The following DCDC1 variants were observed in gnomAD, a reference collection of about 807,000 sequenced individuals.
The protein encoded by DCDC1 is doublecortin domain containing 1.
Under a neutral mutation model 178.3 loss-of-function variants are expected in DCDC1, and 200 were observed. That is an observed-to-expected ratio of 1.12 (90% CI 1.00 to 1.26). The LOEUF is 1.26. Among genes scored for constraint, DCDC1 ranks in the 50% most tolerant of loss-of-function variants. The pLI, the probability that DCDC1 is intolerant of heterozygous loss-of-function variation, is 0.00. For missense variants in DCDC1, 1,983 were observed against 1,749.2 expected (o/e 1.13, Z -2.38); for synonymous variants, 690 against 604.8 (o/e 1.14, Z -2.07).
At chr11:31,181,421 G>C (rs1317816130) in intron 9 of DCDC1, among the ~76,000 whole-genome samples, 4 of 152,190 alleles carry the variant, frequency 2.6e-5, no homozygotes, top group Non-Finnish European at 4.4e-5. Flanking sequence ...TCCTGACTGG[G>C]AGATATCACC....
intron 20 of DCDC1, among the ~76,000 whole-genome samples, chr11:31,035,518 CTG>C (rs1953968174): frequency 2.6e-5 from 4 of 152,326 alleles, no homozygotes; most frequent in Non-Finnish European, 5.9e-5. Flanking sequence ...CATAATTAAA[CTG>C]AGATTACAGA....
chr11:31,212,950 C>T (rs1041757158), intron 9 of DCDC1, among the ~76,000 whole-genome samples: 3 of 152,048 alleles, frequency 2.0e-5, no homozygotes, highest in Non-Finnish European at 2.9e-5. Context: ...CTGTGTACTA[C>T]GTGAAGAAGA....
In DCDC1 at chr11:31,117,568, T is replaced by G. The variant is rs145292051; in HGVS notation, c.1486-7207A>C. 2.8e-4 allele frequency among the ~76,000 whole-genome samples: 42 copies of G among 152,074 alleles called. No homozygotes were observed. In the East Asian group the frequency reaches 7.6e-3, roughly 27 times the overall value. On this transcript the variant is annotated intron_variant, in intron 11 of 38. Transcript: ENST00000684477. ...AAAATGGCCCTCATCAGCTTCTCAGTGATCTTGGGAGTGGGCCCACATTCC... is the reference window on the plus strand; with the variant it reads ...AAAATGGCCCTCATCAGCTTCTCAGGGATCTTGGGAGTGGGCCCACATTCC...
At chr11:31,282,148 T>C (rs189607529) in intron 7 of DCDC1, among the ~76,000 whole-genome samples, 25 of 152,256 alleles carry the variant, frequency 1.6e-4, no homozygotes, top group Admixed American at 1.3e-3. Context: ...GTACAACTGA[T>C]ATTATTTCTC....
intron 16 of DCDC1, among the ~76,000 whole-genome samples, chr11:31,092,808 C>T (rs1957898872): frequency 6.6e-6 from 1 of 152,206 alleles, no homozygotes; most frequent in Non-Finnish European, 1.5e-5. Flanking sequence ...GACTTGTCTG[C>T]TGTCATATAG....
At chr11:31,357,286 C>T (rs1233400044) in intron 1 of DCDC1, among the ~76,000 whole-genome samples, 40 of 150,800 alleles carry the variant, frequency 2.7e-4, no homozygotes, top group African/African-American at 2.9e-4. Context: ...GTTCAATATA[C>T]GCAAATCAAT....
chr11:30,928,733 T>C (rs1946747701), intron 22 of DCDC1, among the ~76,000 whole-genome samples: 1 of 87,664 alleles, frequency 1.1e-5, no homozygotes, highest in South Asian at 4.1e-4. Context: ...TAACATGACA[T>C]GTTATTACAT....
intron 9 of DCDC1, 126 bp downstream of exon 9, chr11:31,241,324 C>T: frequency 2.6e-6 from 1 of 388,136 alleles, no homozygotes; most frequent in Non-Finnish European, 4.6e-6. Flanking sequence ...GGCTCCCTAA[C>T]AGGCACTGAG....
intron 9 of DCDC1, among the ~76,000 whole-genome samples, chr11:31,196,726 A>G (rs1449022099): frequency 6.6e-6 from 1 of 152,006 alleles, no homozygotes; most frequent in Non-Finnish European, 1.5e-5. Flanking sequence ...CAAACCCACC[A>G]TTCAGGGTTT....
chr11:31,132,757 C>G (rs1031389519), intron 10 of DCDC1, among the ~76,000 whole-genome samples: 3 of 152,066 alleles, frequency 2.0e-5, no homozygotes, highest in African/African-American at 7.2e-5. Context: ...AAAAATGCAC[C>G]ATCTCATTGT....
chr11:30,886,119 G>A (rs1308845852), intron 36 of DCDC1, among the ~76,000 whole-genome samples: 17 of 149,586 alleles, frequency 1.1e-4, no homozygotes, highest in Admixed American at 1.1e-3. Flanking sequence ...GATCACAAAG[G>A]AAAAAAAAAT....
At chr11:30,885,934 C>T (rs1943125750) in intron 36 of DCDC1, among the ~76,000 whole-genome samples, 1 of 152,014 alleles carries the variant, frequency 6.6e-6, no homozygotes, top group Non-Finnish European at 1.5e-5. Flanking sequence ...AAATTAAGAA[C>T]AACCAAACTG....
intron 27 of DCDC1, among the ~76,000 whole-genome samples, chr11:30,915,173 G>A (rs1008768726): frequency 6.6e-6 from 1 of 152,098 alleles, no homozygotes; most frequent in Non-Finnish European, 1.5e-5. Flanking sequence ...AATTGGGGAC[G>A]TTTTAGAATT....
At chr11:31,265,216 T>C (rs1360872544) in intron 8 of DCDC1, among the ~76,000 whole-genome samples, 1 of 152,166 alleles carries the variant, frequency 6.6e-6, no homozygotes, top group Non-Finnish European at 1.5e-5. Context: ...CTGTATCCTA[T>C]ATAAATTGGC....
At chr11:30,911,754 T>C (rs991207997) in intron 27 of DCDC1, among the ~76,000 whole-genome samples, 40 of 152,080 alleles carry the variant, frequency 2.6e-4, no homozygotes, top group African/African-American at 9.7e-4. Context: ...GGCTTGCCTA[T>C]TGCTCCTTTG....
chr11:31,070,974 G>C (rs959478971), intron 18 of DCDC1, among the ~76,000 whole-genome samples: 4 of 151,860 alleles, frequency 2.6e-5, no homozygotes, highest in Non-Finnish European at 4.4e-5. Context: ...TTTTGAAGAG[G>C]GTCTCTTTTT....
chr11:31,202,614 T>C (rs1426618795), intron 9 of DCDC1, among the ~76,000 whole-genome samples: 1 of 152,050 alleles, frequency 6.6e-6, no homozygotes, highest in Admixed American at 6.6e-5. Flanking sequence ...CCAAGACAAC[T>C]TGGTACTTCT....
intron 3 of DCDC1, among the ~76,000 whole-genome samples, chr11:31,314,215 T>C (rs558723718): frequency 8.5e-5 from 13 of 152,210 alleles, no homozygotes; most frequent in Non-Finnish European, 1.5e-4. Context: ...ATTTAATCTT[T>C]TGCCATGATA....
At chr11:31,219,739 A>C (rs1289179514) in intron 9 of DCDC1, among the ~76,000 whole-genome samples, 2 of 152,186 alleles carry the variant, frequency 1.3e-5, no homozygotes, top group African/African-American at 4.8e-5. Flanking sequence ...GATGGTAATA[A>C]TAGCTAATAT....
Sources: gnomAD v4.1 joint callset for allele counts (sites outside exome capture counted in the v4.1 genomes callset) on GRCh38, gnomAD v4.1.1 for gene constraint, MANE v1.5 for transcripts, NCBI Gene and HGNC (gene_info 2026-07-23, HGNC 2026-07-21) for gene names.